NXPH1: variants seen among roughly 807,000 people sequenced by gnomAD.
NXPH1 encodes the protein neurexophilin 1, also known as neurexophilin-1.
A neutral mutation model predicts 23.7 loss-of-function variants in NXPH1; 5 were observed. That is an observed-to-expected ratio of 0.21 (90% CI 0.11 to 0.44). The LOEUF is 0.44. Ranked by LOEUF, NXPH1 falls within the 20% of genes least tolerant of loss-of-function variation. The pLI, the probability that NXPH1 is intolerant of heterozygous loss-of-function variation, is 0.99. For missense variants in NXPH1, 324 were observed against 321.6 expected (o/e 1.01, Z -0.06); for synonymous variants, 144 against 122.2 (o/e 1.18, Z -1.18).
intron 2 of NXPH1, among the ~76,000 whole-genome samples, chr7:8,719,077 T>C (rs1045910682): frequency 6.6e-6 from 1 of 152,202 alleles, no homozygotes; most frequent in Admixed American, 6.5e-5. Flanking sequence ...GAAAATAAAA[T>C]CTGAATTGAC....
intron 2 of NXPH1, among the ~76,000 whole-genome samples, chr7:8,492,472 G>C (rs1008975925): frequency 6.6e-6 from 1 of 152,032 alleles, no homozygotes; most frequent in African/African-American, 2.4e-5. Context: ...GCTGTTTTCT[G>C]AGGAGTAAAT....
intron 2 of NXPH1, among the ~76,000 whole-genome samples, chr7:8,625,667 C>T (rs1819972084): frequency 6.6e-6 from 1 of 152,020 alleles, no homozygotes; most frequent in South Asian, 2.1e-4. Context: ...GAACTTTTAC[C>T]AGAGGTTTGT....
intron 2 of NXPH1, among the ~76,000 whole-genome samples, chr7:8,590,795 GT>G (rs150811025): frequency 3.9e-5 from 6 of 151,938 alleles, no homozygotes; most frequent in African/African-American, 1.2e-4. Context: ...TATTTATTTA[GT>G]TTTTTTGCTA....
chr7:8,661,245 T>C (rs1024262866), intron 2 of NXPH1, among the ~76,000 whole-genome samples: 1 of 152,222 alleles, frequency 6.6e-6, no homozygotes, highest in Non-Finnish European at 1.5e-5. Context: ...TAAAATGATA[T>C]TGTTGGAGAA....
At chr7:8,649,652 T>G (rs1180279713) in intron 2 of NXPH1, among the ~76,000 whole-genome samples, 4 of 152,216 alleles carry the variant, frequency 2.6e-5, no homozygotes, top group Non-Finnish European at 5.9e-5. Context: ...CCTTGTTTCT[T>G]GTCTTTGTTG....
intron 2 of NXPH1, among the ~76,000 whole-genome samples, chr7:8,545,771 A>T (rs992964027): frequency 6.6e-6 from 1 of 151,520 alleles, no homozygotes; most frequent in Non-Finnish European, 1.5e-5. Context: ...AGAGAATACA[A>T]ATGTTCATAA....
chr7:8,587,648 C>A (rs1384564936), intron 2 of NXPH1, among the ~76,000 whole-genome samples: 3 of 152,072 alleles, frequency 2.0e-5, no homozygotes, highest in Admixed American at 6.6e-5. Flanking sequence ...CCCCAACCGC[C>A]CAACAGGCCC....
intron 2 of NXPH1, among the ~76,000 whole-genome samples, chr7:8,515,511 C>G (rs1051617349): frequency 6.6e-6 from 1 of 152,050 alleles, no homozygotes; most frequent in South Asian, 2.1e-4. Flanking sequence ...TCTTTGGAAT[C>G]AAGAAAAGCT....
chr7:8,618,651 G>A, intron 2 of NXPH1, among the ~76,000 whole-genome samples: 1 of 152,108 alleles, frequency 6.6e-6, no homozygotes, highest in East Asian at 1.9e-4. Context: ...TGGAAAAAAG[G>A]AATCAGAATT....
chr7:8,449,450 A>G (rs1563313380), intron 2 of NXPH1, among the ~76,000 whole-genome samples: 1 of 152,202 alleles, frequency 6.6e-6, no homozygotes, highest in East Asian at 1.9e-4. Flanking sequence ...GGACCTTAAC[A>G]TGGAGTTTTT....
rs550754949 is a variant in NXPH1 at position 8,662,255 on chromosome 7, T to G, written c.55-88753T>G. The stretch of plus-strand genomic sequence containing the variant: ...GATGGATAGTTGTATAGCTTGATAT[T>G]TGTTTCTATGTTTGATTTAACATTG... On this transcript the variant is annotated intron_variant, in intron 2 of 2. Coordinates refer to ENST00000405863, the MANE Select transcript of NXPH1 (RefSeq NM_152745.3). 1.0e-3 allele frequency among the ~76,000 whole-genome samples: 156 copies of G among 152,022 alleles called. 4 individuals are homozygous for G. The South Asian group carries it at 0.031, about 31-fold the overall frequency.
chr7:8,694,503 T>A lies in NXPH1; in HGVS notation c.55-56505T>A, dbSNP rs184178682. 2.3e-3 allele frequency among the ~76,000 whole-genome samples: 347 copies of A among 152,342 alleles called. 2 individuals are homozygous for A. The highest frequency in any genetic ancestry group is 0.02 in the Middle Eastern group (6 of 294). ...TCTTTTAAAAGTATAGTCTGGACAT[T>A]GCCCTAGTACCACATCAGATTGGAA... On this transcript the variant is annotated intron_variant, in intron 2 of 2. Transcript: ENST00000405863.
chr7:8,725,722 G>T (rs763252098), intron 2 of NXPH1, among the ~76,000 whole-genome samples: 3 of 152,074 alleles, frequency 2.0e-5, no homozygotes, highest in Non-Finnish European at 4.4e-5. Context: ...TAGAACATTG[G>T]ATTTGCTCTG....
rs139175925 is a variant in NXPH1 at position 8,602,935 on chromosome 7, C to T, written c.55-148073C>T. ...CCTCTGCCTTCCTGCCTTAGCCTCCCGAGTAGCTGGGATTACAGGCGCCCA... is the reference window on the plus strand; with the variant it reads ...CCTCTGCCTTCCTGCCTTAGCCTCCTGAGTAGCTGGGATTACAGGCGCCCA... On this transcript the variant is annotated intron_variant, in intron 2 of 2. Coordinates refer to ENST00000405863, the MANE Select transcript of NXPH1 (RefSeq NM_152745.3). 3.9e-3 allele frequency among the ~76,000 whole-genome samples: 594 copies of T among 152,106 alleles called. 3 individuals are homozygous for T. The highest frequency in any genetic ancestry group is 0.013 in the African/African-American group (547 of 41,476).
chr7:8,750,926 CT>C, intron 2 of NXPH1, 81 bp from the exon 3 acceptor site: 1 of 1,339,252 alleles, frequency 7.5e-7, no homozygotes. Context: ...AATCCTGAGA[CT>C]CAGAGAAGGC....
rs1043946850 is a variant in NXPH1, at chr7:8,433,772, C to T, written c.-1094C>T. Among the ~76,000 whole-genome samples the T allele has an allele frequency of 1.3e-5, 2 of 152,000 alleles. No homozygotes were observed. Among genetic ancestry groups the T allele is most frequent in the African/African-American group, 4.8e-5 (2 of 41,428 alleles). Reference sequence around the variant, plus strand: ...CCGCCCTACGCGACTCCCGGCTGCTCTTCCCGCCACTCCCCTGGGCTTTGC... The same window carrying T: ...CCGCCCTACGCGACTCCCGGCTGCTTTTCCCGCCACTCCCCTGGGCTTTGC... On this transcript the variant is annotated 5_prime_UTR_variant, in exon 1 of 3. Transcript: ENST00000405863. The surrounding 1 kb of genome is among the most constrained non-coding windows in gnomAD (Gnocchi z 6.8).
chr7:8,614,694 A>G (rs149971986), intron 2 of NXPH1, among the ~76,000 whole-genome samples: 1,579 of 152,144 alleles, frequency 0.01, 40 homozygotes, highest in African/African-American at 0.036. Flanking sequence ...GGAAAGATTT[A>G]AATGATAAAA....
chr7:8,490,177 G>A (rs1051101973), intron 2 of NXPH1, among the ~76,000 whole-genome samples: 5 of 151,898 alleles, frequency 3.3e-5, no homozygotes, highest in African/African-American at 9.7e-5. Flanking sequence ...ATGCTTTTCT[G>A]CTAATAAAAA....
intron 2 of NXPH1, among the ~76,000 whole-genome samples, chr7:8,665,745 T>A (rs1208447887): frequency 4.7e-5 from 7 of 150,422 alleles, no homozygotes; most frequent in Non-Finnish European, 1.0e-4. Flanking sequence ...GCTGAATTAT[T>A]TTAAAGTATT....
Sources: allele counts gnomAD v4.1 joint callset (sites outside exome capture counted in the v4.1 genomes callset), GRCh38; gene constraint gnomAD v4.1.1; non-coding constraint Gnocchi (gnomAD v3.1); transcripts MANE v1.5; gene names NCBI Gene and HGNC (gene_info 2026-07-23, HGNC 2026-07-21).